CFI: variants seen among roughly 807,000 people sequenced by gnomAD.
The protein encoded by CFI is complement factor I, also known as C3B/C4B inactivator.
A neutral mutation model predicts 78.8 loss-of-function variants in CFI; 66 were observed. The ratio of observed to expected loss-of-function variants is 0.84; its 90% CI spans 0.69 to 1.03. The LOEUF (loss-of-function observed/expected upper bound fraction) is 1.03. CFI is among the 50% of genes least tolerant of loss of function. CFI has a pLI of 0.00. For synonymous variants in CFI, 250 were observed against 232.6 expected (o/e 1.07, Z -0.68); for missense variants, 706 against 704.5 (o/e 1.00, Z -0.02).
chr4:109,756,455 G>C (rs1185503298), intron 7 of CFI, among the ~76,000 whole-genome samples: 1 of 150,636 alleles, frequency 6.6e-6, no homozygotes, highest in Non-Finnish European at 1.5e-5. Flanking sequence ...GGAGGAGGAG[G>C]AAGAGGAGGA....
At chr4:109,756,947 AAG>A (rs1343276653) in intron 7 of CFI, among the ~76,000 whole-genome samples, 1 of 150,408 alleles carries the variant, frequency 6.6e-6, no homozygotes, top group Admixed American at 6.6e-5. Context: ...GAAAGAAAGA[AAG>A]AAAGAAAGAA....
At chr4:109,737,422 C>G (rs1013821235), downstream of CFI, among the ~76,000 whole-genome samples, 6 of 152,176 alleles carry the variant, frequency 3.9e-5, no homozygotes, top group African/African-American at 1.4e-4. Context: ...ATATGTCAGG[C>G]TGGTTTCTAG....
intron 6 of CFI, 197 bp downstream of exon 6, chr4:109,760,073 G>T: frequency 1.4e-6 from 1 of 693,178 alleles, no homozygotes; most frequent in Non-Finnish European, 2.6e-6. Flanking sequence ...TTAATAGAAA[G>T]TTCTGAAATA....
chr4:109,794,399 C>T (rs1731782768), intron 1 of CFI: 1 of 152,158 alleles, frequency 6.6e-6, no homozygotes, highest in African/African-American at 2.4e-5. Context: ...ACTATTTCTT[C>T]TGCCTGCTCA....
At chr4:109,762,881 G>A (rs1727261119) in intron 3 of CFI, among the ~76,000 whole-genome samples, 1 of 152,198 alleles carries the variant, frequency 6.6e-6, no homozygotes, top group South Asian at 2.1e-4. Flanking sequence ...CTGTTCATGA[G>A]CTTATGCAAA....
intron 1 of CFI, among the ~76,000 whole-genome samples, chr4:109,782,325 G>C (rs1404957312): frequency 1.3e-5 from 2 of 151,256 alleles, no homozygotes; most frequent in Non-Finnish European, 1.5e-5. Flanking sequence ...ATTTAGTAAA[G>C]TTTCTGGATA....
chr4:109,794,301 T>C (rs933241896), intron 1 of CFI: 7 of 152,214 alleles, frequency 4.6e-5, no homozygotes, highest in African/African-American at 1.7e-4. Flanking sequence ...ACGAGTCTCA[T>C]AGGCTCTGTT....
chr4:109,755,355 A>G (rs1383911955), intron 7 of CFI, among the ~76,000 whole-genome samples: 1 of 152,220 alleles, frequency 6.6e-6, no homozygotes, highest in Non-Finnish European at 1.5e-5. Context: ...ACATACAGGC[A>G]CTAGTAATCA....
In CFI at chr4:109,764,590, G is replaced by A. The variant is rs112492491; in HGVS notation, c.429C>T (p.Ser143=). 5.8e-5 allele frequency: 94 copies of A among 1,614,104 alleles called. No homozygotes were observed. The African/African-American group carries it at 1.1e-3, about 18-fold the overall frequency. ...DQDKTMFICK[S]SWSMREANVA... ...CGTTGGCTTCCCTCATGCTCCAGCTGCTTTTGCATATGAACATTGTCTTAT... is the reference window on the plus strand; with the variant it reads ...CGTTGGCTTCCCTCATGCTCCAGCTACTTTTGCATATGAACATTGTCTTAT... The change falls in exon 3 of 13, where the codon AGC becomes AGT. Residue 143 remains serine, a synonymous_variant. Transcript: ENST00000394634.
At chr4:109,744,270 T>C (rs1396626262) in intron 11 of CFI, among the ~76,000 whole-genome samples, 1 of 152,202 alleles carries the variant, frequency 6.6e-6, no homozygotes, top group Non-Finnish European at 1.5e-5. Flanking sequence ...TGTCCTTATC[T>C]GGTGAAGATA....
chr4:109,751,438 C>CT (rs66497003), intron 8 of CFI, among the ~76,000 whole-genome samples: 60,775 of 100,620 alleles, frequency 0.6, 20,575 homozygotes, highest in Non-Finnish European at 0.73. Context: ...AGAGCTAAAT[C>CT]TTTTTTTTTT....
chr4:109,782,038 C>A (rs894591652), intron 1 of CFI, among the ~76,000 whole-genome samples: 15 of 152,224 alleles, frequency 9.9e-5, no homozygotes, highest in African/African-American at 3.6e-4. Context: ...CTATGACAAA[C>A]CCACAGCCAA....
At chr4:109,742,733 G>C in intron 11 of CFI, 138 bp from the exon 12 acceptor site, 1 of 643,498 alleles carries the variant, frequency 1.6e-6, no homozygotes, top group Non-Finnish European at 2.7e-6. Flanking sequence ...CTCTTCCTTA[G>C]CGTGTTTAAT....
At chr4:109,785,917 C>A (rs1194539066) in intron 1 of CFI, among the ~76,000 whole-genome samples, 2 of 151,972 alleles carry the variant, frequency 1.3e-5, no homozygotes, top group Non-Finnish European at 2.9e-5. Context: ...TTTCCTGAGG[C>A]CTCCCCAGCC....
chr4:109,776,470 T>C (rs532913182), intron 1 of CFI, among the ~76,000 whole-genome samples: 169 of 152,282 alleles, frequency 1.1e-3, no homozygotes, highest in African/African-American at 3.8e-3. Flanking sequence ...TATGGGACTA[T>C]GTGAAAAGAA....
intron 1 of CFI, among the ~76,000 whole-genome samples, chr4:109,777,251 T>G (rs1206322393): frequency 6.6e-6 from 1 of 152,112 alleles, no homozygotes; most frequent in Non-Finnish European, 1.5e-5. Context: ...GAGACACACA[T>G]AGGCTCAAAA....
intron 1 of CFI, among the ~76,000 whole-genome samples, chr4:109,773,307 C>T (rs1424210433): frequency 1.3e-5 from 2 of 152,142 alleles, no homozygotes; most frequent in African/African-American, 4.8e-5. Flanking sequence ...GCAGGTGGAT[C>T]ACAAAGTCAG....
intron 11 of CFI, among the ~76,000 whole-genome samples, chr4:109,743,309 T>G (rs1219902998): frequency 6.6e-6 from 1 of 152,212 alleles, no homozygotes; most frequent in Non-Finnish European, 1.5e-5. Context: ...TTATTTCCTC[T>G]AATTTGGGAA....
intron 7 of CFI, among the ~76,000 whole-genome samples, chr4:109,756,969 GAA>G (rs1561298119): frequency 6.7e-5 from 9 of 134,050 alleles, no homozygotes; most frequent in African/African-American, 2.2e-4. Flanking sequence ...AAGAAAGAAA[GAA>G]AGAAAGAAAT....
Sources: allele counts gnomAD v4.1 joint callset (sites outside exome capture counted in the v4.1 genomes callset), GRCh38; gene constraint gnomAD v4.1.1; transcripts MANE v1.5; gene names NCBI Gene and HGNC (gene_info 2026-07-23, HGNC 2026-07-21).